Variants in COL21A1 observed in about 807,000 individuals in gnomAD.
The protein encoded by COL21A1 is collagen alpha-1(XXI) chain.
A neutral mutation model predicts 137.9 loss-of-function variants in COL21A1; 149 were observed. The ratio of observed to expected loss-of-function variants is 1.08; its 90% CI spans 0.95 to 1.24. The LOEUF (loss-of-function observed/expected upper bound fraction) is 1.24. COL21A1 is among the 50% of genes most tolerant of loss of function. The probability of loss-of-function intolerance (pLI) is 0.00; values close to 1 mark genes in which losing one functional copy is unlikely to be tolerated. For missense variants in COL21A1, 1,167 were observed against 1,158.4 expected, an observed-to-expected ratio of 1.01 and a Z score of -0.11; for synonymous variants, 456 against 391.5, an observed-to-expected ratio of 1.16 and a Z score of -1.95.
At chr6:56,314,305 A>G (rs1764681221) in intron 1 of COL21A1, among the ~76,000 whole-genome samples, 1 of 152,018 alleles carries the variant, frequency 6.6e-6, no homozygotes, top group Non-Finnish European at 1.5e-5. Flanking sequence ...TTTAAATTGT[A>G]TTATTTTCCC....
At position 56,141,763 on chromosome 6, in the gene COL21A1, T is replaced by C. The variant is rs781344127; in HGVS notation, c.1542+22A>G. 3.7e-6 allele frequency: 6 copies of C among 1,612,136 alleles called. No homozygotes were observed. In the South Asian group the frequency reaches 4.4e-5, roughly 12 times the overall value. ...ATCTTTGAGGGACTAACACCATTGA[T>C]TGCATTTTTGTGTGTGTTTACCTTG... is the stretch of plus-strand genomic sequence containing the variant. On this transcript the variant is annotated intron_variant, in intron 12 of 29. Coordinates refer to ENST00000244728, the MANE Select transcript of COL21A1 (RefSeq NM_030820.4).
rs1027658447 is a variant in COL21A1 at position 56,084,218 on chromosome 6, AT to A, written c.1813-6646del. On this transcript the variant is annotated intron_variant, in intron 17 of 29. Transcript: ENST00000244728. ...AATATTGCCTAAGTATGCAGAAAAA[AT>A]ATATATATATAAAAAACATTAATAA... Among the ~76,000 whole-genome samples, 8 of 131,376 alleles carry A rather than the reference AT, an allele frequency of 6.1e-5. No individual in the cohort carries two copies. In the East Asian group the frequency reaches 1.1e-3, roughly 18 times the overall value. 86.2% of individuals were successfully genotyped at this position (131,376 alleles called of 152,430 possible).
At chr6:56,067,236 A>T in intron 23 of COL21A1, 59 bp downstream of exon 23, 2 of 1,354,136 alleles carry the variant, frequency 1.5e-6, no homozygotes, top group Non-Finnish European at 2.1e-6. Context: ...GTAAAATAAG[A>T]ACTTTTTAAA....
chr6:56,362,305 T>A (rs1765992226), intron 1 of COL21A1, among the ~76,000 whole-genome samples: 2 of 152,340 alleles, frequency 1.3e-5, no homozygotes, highest in East Asian at 1.9e-4. Flanking sequence ...GGTGGGACTA[T>A]GAGTGCCTTA....
chr6:56,326,243 A>G (rs1765088020), intron 1 of COL21A1, among the ~76,000 whole-genome samples: 1 of 150,758 alleles, frequency 6.6e-6, no homozygotes, highest in Non-Finnish European at 1.5e-5. Context: ...ATTAAGTTTT[A>G]AAAACCTTTT....
chr6:56,277,497 T>C (rs903871363), intron 1 of COL21A1, among the ~76,000 whole-genome samples: 4 of 152,226 alleles, frequency 2.6e-5, no homozygotes, highest in African/African-American at 4.8e-5. Flanking sequence ...CTAGCAGGTA[T>C]TGTCATTTAA....
At chr6:56,130,435 T>C (rs1051492338) in intron 12 of COL21A1, among the ~76,000 whole-genome samples, 1 of 151,834 alleles carries the variant, frequency 6.6e-6, no homozygotes, top group Non-Finnish European at 1.5e-5. Context: ...AGATATACTA[T>C]TAATAAGATG....
intron 17 of COL21A1, among the ~76,000 whole-genome samples, chr6:56,099,658 T>G (rs1182491851): frequency 2.0e-5 from 3 of 151,922 alleles, no homozygotes; most frequent in Non-Finnish European, 2.9e-5. Context: ...TTTCTTATGC[T>G]CTTTCCCTCA....
chr6:56,057,704 T>C lies in COL21A1; in HGVS notation c.2827A>G (p.Ser943Gly). The change falls in exon 30 of 30, where the codon AGT (serine) becomes GGT (glycine). Residue 943 changes from serine (S) to glycine (G), a missense_variant. By Grantham distance (56) the Ser-to-Gly change is moderately conservative. Coordinates refer to ENST00000244728, the MANE Select transcript of COL21A1 (RefSeq NM_030820.4). ...AACGGATCTCTTCTGGCAATTACACTAAAACATAGTGATGGGTCGCAGATG... is the reference window on the plus strand; with the variant it reads ...AACGGATCTCTTCTGGCAATTACACCAAAACATAGTGATGGGTCGCAGATG... ...PGICDPSLCF[S>G]VIARRDPFRK... 3 of 1,613,182 alleles carry C rather than the reference T, an allele frequency of 1.9e-6. No individual in the cohort carries two copies. Among genetic ancestry groups the C allele is most frequent in the Non-Finnish European group, 2.5e-6 (3 of 1,179,570 alleles).
intron 1 of COL21A1, among the ~76,000 whole-genome samples, chr6:56,351,321 G>C (rs9357912): frequency 1.3e-5 from 2 of 152,052 alleles, no homozygotes; most frequent in Non-Finnish European, 2.9e-5. Flanking sequence ...GGGGGTCCCC[G>C]TTGTGAAAAG....
intron 17 of COL21A1, among the ~76,000 whole-genome samples, chr6:56,098,020 T>G (rs1328135024): frequency 3.1e-5 from 2 of 65,448 alleles, no homozygotes; most frequent in Non-Finnish European, 2.6e-5. Flanking sequence ...TAAATATATA[T>G]AAATATATAT....
chr6:56,231,087 T>A (rs976920873), intron 1 of COL21A1: 9 of 151,984 alleles, frequency 5.9e-5, no homozygotes, highest in Non-Finnish European at 1.3e-4. Context: ...TTCTTTTACC[T>A]CCCAGATGAC....
At chr6:56,197,404 T>C (rs1022229646) in intron 1 of COL21A1, among the ~76,000 whole-genome samples, 3 of 151,958 alleles carry the variant, frequency 2.0e-5, no homozygotes, top group South Asian at 2.1e-4. Flanking sequence ...AAGGAAACAA[T>C]TGATGAAATA....
chr6:56,084,217 A>T (rs953123133), intron 17 of COL21A1, among the ~76,000 whole-genome samples: 12 of 149,118 alleles, frequency 8.0e-5, no homozygotes, highest in Non-Finnish European at 1.3e-4. Context: ...ATGCAGAAAA[A>T]ATATATATAT....
chr6:56,268,364 C>G (rs1763443637), intron 1 of COL21A1, among the ~76,000 whole-genome samples: 1 of 152,190 alleles, frequency 6.6e-6, no homozygotes, highest in Admixed American at 6.5e-5. Context: ...GACCCAGGAA[C>G]AGACCTGATG....
intron 1 of COL21A1, among the ~76,000 whole-genome samples, chr6:56,208,140 C>T (rs900422903): frequency 6.6e-6 from 1 of 152,080 alleles, no homozygotes; most frequent in South Asian, 2.1e-4. Context: ...AGGATGCCCT[C>T]TCTCACCTCT....
chr6:56,150,514 TCACACACACACACACACA>T (rs747022399), intron 10 of COL21A1, among the ~76,000 whole-genome samples: 8 of 46,198 alleles, frequency 1.7e-4, no homozygotes, highest in East Asian at 7.7e-4. Flanking sequence ...CGAGACTCCA[TCACACACACACACACACA>T]CACACACACA....
At chr6:56,350,097 T>G (rs1765677642) in intron 1 of COL21A1, among the ~76,000 whole-genome samples, 1 of 152,214 alleles carries the variant, frequency 6.6e-6, no homozygotes, top group South Asian at 2.1e-4. Flanking sequence ...CACATCAGCA[T>G]GTTAGACTAG....
At chr6:56,125,858 A>G (rs563395632) in intron 13 of COL21A1, among the ~76,000 whole-genome samples, 70 of 152,148 alleles carry the variant, frequency 4.6e-4, no homozygotes, top group Middle Eastern at 3.4e-3. Flanking sequence ...ATTTAAGAAA[A>G]CTTGTATACA....
Sources: gnomAD v4.1 joint callset for allele counts (sites outside exome capture counted in the v4.1 genomes callset) on GRCh38, gnomAD v4.1.1 for gene constraint, MANE v1.5 for transcripts, NCBI Gene and HGNC (gene_info 2026-07-23, HGNC 2026-07-21) for gene names.